SGCZ: variants seen among roughly 807,000 people sequenced by gnomAD.
SGCZ encodes the protein zeta-sarcoglycan.
In SGCZ, 40 loss-of-function variants were observed where a neutral mutation model predicts 41.3. The observed-to-expected ratio is 0.97, with a 90% CI of 0.75 to 1.26. The LOEUF is 1.26. Among genes scored for constraint, SGCZ ranks in the 50% most tolerant of loss-of-function variants. SGCZ has a pLI of 0.00. For synonymous variants in SGCZ, 206 were observed against 137.5 expected (o/e 1.50, Z -3.49); for missense variants, 552 against 369.8 (o/e 1.49, Z -4.04).
intron 2 of SGCZ, among the ~76,000 whole-genome samples, chr8:14,380,712 C>G (rs576672993): frequency 2.6e-5 from 4 of 152,154 alleles, no homozygotes; most frequent in East Asian, 1.9e-4. Context: ...ATTAGCTGGG[C>G]ATGGTGGTGC....
At chr8:14,130,141 A>G (rs1057019035) in intron 5 of SGCZ, among the ~76,000 whole-genome samples, 1 of 152,228 alleles carries the variant, frequency 6.6e-6, no homozygotes, top group African/African-American at 2.4e-5. Flanking sequence ...ATGTAGGCCA[A>G]TAGAATAAAA....
intron 1 of SGCZ, among the ~76,000 whole-genome samples, chr8:14,572,625 C>T (rs1456051645): frequency 6.6e-6 from 1 of 152,166 alleles, no homozygotes; most frequent in Non-Finnish European, 1.5e-5. Flanking sequence ...GATTCCTGAA[C>T]TCACTTTCAA....
intron 1 of SGCZ, among the ~76,000 whole-genome samples, chr8:15,004,733 C>T (rs943579711): frequency 1.1e-4 from 16 of 151,996 alleles, no homozygotes; most frequent in African/African-American, 3.6e-4. Flanking sequence ...CCCACCTTCC[C>T]GATAACAAAA....
intron 1 of SGCZ, among the ~76,000 whole-genome samples, chr8:14,826,256 T>C (rs192433401): frequency 8.6e-4 from 131 of 152,246 alleles, no homozygotes; most frequent in African/African-American, 2.9e-3. Flanking sequence ...CTACAAAGGA[T>C]ATGAACTCTT....
At chr8:14,853,598 C>T (rs575963200) in intron 1 of SGCZ, 2 of 427,222 alleles carry the variant, frequency 4.7e-6, no homozygotes, top group Middle Eastern at 7.6e-4. Flanking sequence ...AAAATTCAGT[C>T]ACTGAAGTGG....
At chr8:14,595,400 A>AACACACACACACACACACAC (rs34287378) in intron 1 of SGCZ, among the ~76,000 whole-genome samples, 1 of 136,316 alleles carries the variant, frequency 7.3e-6, no homozygotes, top group Non-Finnish European at 1.6e-5. Context: ...AACATGCACA[A>AACACACACACACACACACAC]ACACACACAC....
intron 1 of SGCZ, among the ~76,000 whole-genome samples, chr8:15,099,454 C>A (rs1382529771): frequency 5.9e-5 from 9 of 152,082 alleles, no homozygotes; most frequent in Admixed American, 5.9e-4. Context: ...GAATAAAGAA[C>A]TGAAATCAAA....
At chr8:15,145,971 G>A (rs770266074) in intron 1 of SGCZ, among the ~76,000 whole-genome samples, 1 of 152,124 alleles carries the variant, frequency 6.6e-6, no homozygotes, top group Non-Finnish European at 1.5e-5. Flanking sequence ...GGGTGAGGGG[G>A]TAACAGTAGA....
chr8:14,824,613 A>G (rs1423294091), intron 1 of SGCZ, among the ~76,000 whole-genome samples: 1 of 152,012 alleles, frequency 6.6e-6, no homozygotes, highest in African/African-American at 2.4e-5. Flanking sequence ...TCATGTGAAG[A>G]CCAAGAACCT....
chr8:14,541,634 T>C (rs531887692), intron 2 of SGCZ, among the ~76,000 whole-genome samples: 1 of 152,302 alleles, frequency 6.6e-6, no homozygotes, highest in African/African-American at 2.4e-5. Context: ...CATAATCCTT[T>C]GGGTATATGC....
At chr8:15,106,171 A>C (rs1413286466) in intron 1 of SGCZ, among the ~76,000 whole-genome samples, 1 of 152,124 alleles carries the variant, frequency 6.6e-6, no homozygotes, top group Non-Finnish European at 1.5e-5. Context: ...CATGAACATT[A>C]GTAGCATCTT....
intron 1 of SGCZ, among the ~76,000 whole-genome samples, chr8:14,603,161 A>C (rs768048544): frequency 6.6e-6 from 1 of 152,190 alleles, no homozygotes; most frequent in Non-Finnish European, 1.5e-5. Context: ...AGGTCAACCT[A>C]AACCTTCGTT....
At chr8:14,972,399 A>C (rs998187681) in intron 1 of SGCZ, among the ~76,000 whole-genome samples, 2 of 151,776 alleles carry the variant, frequency 1.3e-5, no homozygotes, top group African/African-American at 4.8e-5. Context: ...TTGTGCCTTC[A>C]TTTTTAATGT....
chr8:14,309,976 T>C (rs1175435065), intron 3 of SGCZ, among the ~76,000 whole-genome samples: 1 of 152,092 alleles, frequency 6.6e-6, no homozygotes, highest in East Asian at 1.9e-4. Flanking sequence ...TACCATTAAT[T>C]ACATACAAAT....
At chr8:14,216,339 A>G (rs1050557029) in intron 4 of SGCZ, among the ~76,000 whole-genome samples, 1 of 152,076 alleles carries the variant, frequency 6.6e-6, no homozygotes, top group Middle Eastern at 3.2e-3. Flanking sequence ...CTGATCTCCT[A>G]CAAGATGGTA....
At chr8:15,130,013 T>C (rs185911111) in intron 1 of SGCZ, among the ~76,000 whole-genome samples, 1 of 152,262 alleles carries the variant, frequency 6.6e-6, no homozygotes. Context: ...TATGACTAAG[T>C]AGGCCAAAAA....
chr8:14,672,978 T>G (rs988997868), intron 1 of SGCZ, among the ~76,000 whole-genome samples: 6 of 152,178 alleles, frequency 3.9e-5, no homozygotes, highest in Admixed American at 6.5e-5. Flanking sequence ...AAAGCAGTGT[T>G]GCTGTGTTTC....
At chr8:14,398,624 A>C (rs1563303721) in intron 2 of SGCZ, among the ~76,000 whole-genome samples, 1 of 137,402 alleles carries the variant, frequency 7.3e-6, no homozygotes, top group African/African-American at 3.4e-5. Context: ...GAAAAGGCTC[A>C]AGATTTTTAT....
intron 3 of SGCZ, among the ~76,000 whole-genome samples, chr8:14,321,773 C>T (rs1441297261): frequency 6.6e-6 from 1 of 152,054 alleles, no homozygotes; most frequent in African/African-American, 2.4e-5. Context: ...GGAATTTTAT[C>T]ATAAAATTGT....
Sources: gnomAD v4.1 joint callset for allele counts (sites outside exome capture counted in the v4.1 genomes callset) on GRCh38, gnomAD v4.1.1 for gene constraint, MANE v1.5 for transcripts, NCBI Gene and HGNC (gene_info 2026-07-23, HGNC 2026-07-21) for gene names.